POU2AF2: variants seen among roughly 807,000 people sequenced by gnomAD.
POU2AF2 encodes the protein POU class 2 homeobox associating factor 2.
the POU2AF2 span, among the ~76,000 whole-genome samples, chr11:111,259,309 C>CTTT: frequency 1.2e-4 from 15 of 129,978 alleles, no homozygotes; most frequent in South Asian, 2.5e-4. Flanking sequence ...TTCCACATTC[C>CTTT]TTTTTTTTTT....
chr11:111,269,645 C>T, the POU2AF2 span, among the ~76,000 whole-genome samples: 1 of 152,098 alleles, frequency 6.6e-6, no homozygotes, highest in Admixed American at 6.6e-5. Flanking sequence ...TGTAGTTCTG[C>T]AGATTCTGTT....
chr11:111,260,406 G>A, the POU2AF2 span, among the ~76,000 whole-genome samples: 3 of 152,284 alleles, frequency 2.0e-5, no homozygotes, highest in African/African-American at 7.2e-5. Context: ...TTATACGGCA[G>A]AATTTGTGGT....
the POU2AF2 span, among the ~76,000 whole-genome samples, chr11:111,259,988 C>G: frequency 1.8e-4 from 27 of 152,356 alleles, no homozygotes; most frequent in East Asian, 5.0e-3. Context: ...GTTTCATCCT[C>G]TTAACCACTA....
chr11:111,263,427 C>CTTTTTTTTT, the POU2AF2 span, among the ~76,000 whole-genome samples: 1 of 96,146 alleles, frequency 1.0e-5, no homozygotes, highest in Non-Finnish European at 2.0e-5. Flanking sequence ...TACTGAAGTT[C>CTTTTTTTTT]TTTTTTTTTT....
At chr11:111,253,993 T>G in the POU2AF2 span, among the ~76,000 whole-genome samples, 1 of 152,220 alleles carries the variant, frequency 6.6e-6, no homozygotes, top group Non-Finnish European at 1.5e-5. Flanking sequence ...CTGACTATCC[T>G]AGGTGTATTT....
the POU2AF2 span, among the ~76,000 whole-genome samples, chr11:111,250,357 T>C: frequency 5.3e-5 from 8 of 152,322 alleles, no homozygotes; most frequent in Non-Finnish European, 1.2e-4. Context: ...ATAAGAGTCA[T>C]AGTACTCTTC....
At chr11:111,261,260 TACACAC>T in the POU2AF2 span, among the ~76,000 whole-genome samples, 37,802 of 140,826 alleles carry the variant, frequency 0.27, 4,959 homozygotes, top group South Asian at 0.37. Context: ...TAGTACCAAA[TACACAC>T]ACACACACAC....
the POU2AF2 span, chr11:111,256,196 A>G: frequency 2.5e-6 from 1 of 397,534 alleles, no homozygotes; most frequent in South Asian, 1.4e-4. Flanking sequence ...TTCTCAAAAC[A>G]AAGCCTTCCT....
At chr11:111,262,941 AT>A in the POU2AF2 span, among the ~76,000 whole-genome samples, 3 of 152,200 alleles carry the variant, frequency 2.0e-5, no homozygotes, top group Admixed American at 6.5e-5. Context: ...ACAGACCAAA[AT>A]TTAACTATTC....
chr11:111,260,383 G>A, the POU2AF2 span, among the ~76,000 whole-genome samples: 2 of 152,136 alleles, frequency 1.3e-5, no homozygotes, highest in Non-Finnish European at 2.9e-5. Context: ...CCCTGGGACC[G>A]GTGAGTTCTG....
chr11:111,286,395 C>T, the POU2AF2 span: 1 of 218,380 alleles, frequency 4.6e-6, no homozygotes, highest in South Asian at 8.7e-5. Flanking sequence ...AAAGTTTATG[C>T]AGATCATAAA....
At chr11:111,285,006 T>G in the POU2AF2 span, among the ~76,000 whole-genome samples, 1 of 152,346 alleles carries the variant, frequency 6.6e-6, no homozygotes, top group Non-Finnish European at 1.5e-5. Flanking sequence ...ATTCACATTA[T>G]TAAGTATACT....
the POU2AF2 span, among the ~76,000 whole-genome samples, chr11:111,281,076 G>A: frequency 6.6e-5 from 10 of 152,246 alleles, no homozygotes; most frequent in Admixed American, 2.6e-4. Flanking sequence ...CTGGATATGC[G>A]TATATATAGT....
At chr11:111,272,549 A>G in the POU2AF2 span, among the ~76,000 whole-genome samples, 1 of 152,216 alleles carries the variant, frequency 6.6e-6, no homozygotes, top group Non-Finnish European at 1.5e-5. Flanking sequence ...CAGACACACT[A>G]ACATATGTAA....
At chr11:111,285,822 A>G in the POU2AF2 span, 3 of 1,607,600 alleles carry the variant, frequency 1.9e-6, no homozygotes, top group Non-Finnish European at 2.5e-6. Flanking sequence ...GCTGGGGCTC[A>G]GTCATACTCG....
chr11:111,276,603 A>G, the POU2AF2 span, among the ~76,000 whole-genome samples: 3 of 147,372 alleles, frequency 2.0e-5, no homozygotes, highest in African/African-American at 5.0e-5. Context: ...GATTGTGCCA[A>G]TGCACTCCAG....
chr11:111,284,442 G>T, the POU2AF2 span: 5 of 1,484,276 alleles, frequency 3.4e-6, no homozygotes, highest in East Asian at 2.3e-5. Flanking sequence ...CTGGCCAGCC[G>T]CTGTGCTTGG....
chr11:111,257,059 A>C, the POU2AF2 span, among the ~76,000 whole-genome samples: 1 of 152,228 alleles, frequency 6.6e-6, no homozygotes, highest in African/African-American at 2.4e-5. Context: ...TTTGGTTACC[A>C]AGATCAGCAT....
At chr11:111,275,443 T>G in the POU2AF2 span, among the ~76,000 whole-genome samples, 3 of 152,208 alleles carry the variant, frequency 2.0e-5, no homozygotes, top group East Asian at 5.8e-4. Context: ...GCTTTACATG[T>G]GAAGACTGGT....
Sources: allele counts gnomAD v4.1 joint callset (sites outside exome capture counted in the v4.1 genomes callset), GRCh38; gene constraint gnomAD v4.1.1; transcripts MANE v1.5; gene names NCBI Gene and HGNC (gene_info 2026-07-23, HGNC 2026-07-21).